The following CADM2 variants were observed in gnomAD, a reference collection of about 807,000 sequenced individuals.
CADM2 encodes immunoglobulin superfamily member 4D.
Under a neutral mutation model 49.8 loss-of-function variants are expected in CADM2, and 12 were observed. The observed-to-expected ratio is 0.24, with a 90% CI of 0.15 to 0.39. CADM2 has a LOEUF of 0.39. CADM2 is among the 10% of genes least tolerant of loss of function. The pLI, the probability that CADM2 is intolerant of heterozygous loss-of-function variation, is 1.00. For missense variants in CADM2, 378 were observed against 492.3 expected, an observed-to-expected ratio of 0.77 and a Z score of 2.20; for synonymous variants, 214 against 175.4, an observed-to-expected ratio of 1.22 and a Z score of -1.74.
At chr3:85,778,042 G>A (rs1316062818) in intron 2 of CADM2, among the ~76,000 whole-genome samples, 1 of 152,104 alleles carries the variant, frequency 6.6e-6, no homozygotes, top group East Asian at 1.9e-4. Context: ...AAAGAGAGGC[G>A]ACCTAGGATA....
chr3:85,604,526 G>A (rs1489449351), intron 1 of CADM2, among the ~76,000 whole-genome samples: 1 of 151,944 alleles, frequency 6.6e-6, no homozygotes, highest in Non-Finnish European at 1.5e-5. Flanking sequence ...TGATATAAAT[G>A]TTGAATCTTA....
intron 1 of CADM2, among the ~76,000 whole-genome samples, chr3:85,175,133 A>G (rs949821930): frequency 2.6e-5 from 4 of 152,218 alleles, no homozygotes; most frequent in African/African-American, 9.6e-5. Context: ...AAATGAACAC[A>G]ATCCAGAAAA....
At chr3:85,288,159 G>C (rs2043682862) in intron 1 of CADM2, among the ~76,000 whole-genome samples, 2 of 152,022 alleles carry the variant, frequency 1.3e-5, no homozygotes, top group Admixed American at 1.3e-4. Context: ...CCTTGAGAAA[G>C]CACATAAACT....
intron 3 of CADM2, among the ~76,000 whole-genome samples, chr3:85,850,623 C>A (rs1352090014): frequency 6.6e-6 from 1 of 152,094 alleles, no homozygotes; most frequent in African/African-American, 2.4e-5. Flanking sequence ...CCACCGCACC[C>A]AGCCTCAATT....
chr3:85,395,862 C>T (rs2107416070), intron 1 of CADM2, among the ~76,000 whole-genome samples: 1 of 150,822 alleles, frequency 6.6e-6, no homozygotes, highest in East Asian at 1.9e-4. Context: ...AAATCACACC[C>T]ATGTTTTAAT....
chr3:84,967,870 A>G (rs2031124454), intron 1 of CADM2, among the ~76,000 whole-genome samples: 2 of 152,008 alleles, frequency 1.3e-5, no homozygotes. Flanking sequence ...TGAAAGCTCC[A>G]TTCCGTAATC....
chr3:85,386,414 T>C (rs1305307937), intron 1 of CADM2, among the ~76,000 whole-genome samples: 3 of 152,116 alleles, frequency 2.0e-5, no homozygotes, highest in African/African-American at 4.8e-5. Context: ...ATAGGGCAAC[T>C]GAGCAAGCTA....
In CADM2 at chr3:85,819,636, T is replaced by C. The variant is rs115633792; in HGVS notation, c.238+17440T>C. ...AGGAAATTAATTATAATTCTGAGTT[T>C]CTGTGGAATCCTAAGTTTACAAATT... is the stretch of plus-strand genomic sequence containing the variant. On this transcript the variant is annotated intron_variant, in intron 3 of 9. Transcript: ENST00000383699. 5.8e-3 allele frequency among the ~76,000 whole-genome samples: 886 copies of C among 152,272 alleles called. 5 individuals carry two copies. Among genetic ancestry groups the C allele is most frequent in the Middle Eastern group, 0.017 (5 of 294 alleles).
intron 1 of CADM2, among the ~76,000 whole-genome samples, chr3:85,137,240 T>A (rs2039439500): frequency 6.6e-6 from 1 of 151,960 alleles, no homozygotes; most frequent in South Asian, 2.1e-4. Flanking sequence ...ACTGAGAAAA[T>A]TTAGTTATTT....
chr3:85,454,925 G>C (rs55747506), intron 1 of CADM2, among the ~76,000 whole-genome samples: 2,262 of 152,282 alleles, frequency 0.015, 65 homozygotes, highest in African/African-American at 0.051. Context: ...TCGCTTCATT[G>C]ATTCAATGCT....
intron 1 of CADM2, among the ~76,000 whole-genome samples, chr3:85,705,757 A>G (rs533133629): frequency 6.6e-6 from 1 of 152,304 alleles, no homozygotes; most frequent in Non-Finnish European, 1.5e-5. Flanking sequence ...TGACACACAA[A>G]ACTTCACATT....
At position 85,548,342 on chromosome 3, in the gene CADM2, A is replaced by G. The variant is rs181432037; in HGVS notation, c.62-178180A>G. Among the ~76,000 whole-genome samples the G allele has an allele frequency of 2.6e-5, 4 of 151,532 alleles. No individual in the cohort carries two copies. In the East Asian group the frequency reaches 6.1e-4, roughly 23 times the overall value. On this transcript the variant is annotated intron_variant, in intron 1 of 9. Transcript: ENST00000383699. ...CTGTCATGTTATGACCTCAGAGATA[A>G]CATGCCATAGTCTAAGATGTTTAGC...
intron 1 of CADM2, among the ~76,000 whole-genome samples, chr3:85,391,020 T>C (rs2034492981): frequency 6.6e-6 from 1 of 151,910 alleles, no homozygotes; most frequent in Non-Finnish European, 1.5e-5. Flanking sequence ...AATAATCTGG[T>C]TTAATTTGTT....
Position 85,184,124 on chromosome 3 carries a change from GATGT to G in CADM2, c.61+224461_61+224464del, listed in dbSNP as rs1351074813. Among the ~76,000 whole-genome samples the G allele has an allele frequency of 5.9e-5, 9 of 152,182 alleles. No individual in the cohort carries two copies. In the Middle Eastern group the frequency reaches 0.017, roughly 288 times the overall value. ...GAAGCCAAGAAATGAGAGTAGTTAA[GATGT>G]ATGTGTGAGAGGCAAACACAGCATG... On this transcript the variant is annotated intron_variant, in intron 1 of 9. Coordinates refer to ENST00000383699, the MANE Select transcript of CADM2 (RefSeq NM_001167675.2).
chr3:85,834,000 G>T (rs3902500), intron 3 of CADM2, among the ~76,000 whole-genome samples: 22 of 151,236 alleles, frequency 1.5e-4, no homozygotes, highest in Non-Finnish European at 2.8e-4. Flanking sequence ...TACATGGGAT[G>T]TATTTTCATT....
chr3:85,552,597 G>T (rs2061839780), intron 1 of CADM2, among the ~76,000 whole-genome samples: 2 of 151,878 alleles, frequency 1.3e-5, no homozygotes, highest in South Asian at 4.2e-4. Flanking sequence ...AGCCAGGATG[G>T]TCTTGATCTC....
intron 1 of CADM2, among the ~76,000 whole-genome samples, chr3:85,131,794 G>T (rs1365012109): frequency 2.0e-5 from 3 of 151,586 alleles, no homozygotes; most frequent in Non-Finnish European, 2.9e-5. Context: ...CTGATGTATT[G>T]TGACTGAAGG....
At chr3:84,993,380 A>G (rs924205048) in intron 1 of CADM2, among the ~76,000 whole-genome samples, 1 of 152,188 alleles carries the variant, frequency 6.6e-6, no homozygotes, top group Admixed American at 6.5e-5. Flanking sequence ...CTCTGTTACC[A>G]TATGGAGTAG....
chr3:85,305,757 A>G (rs1188556998), intron 1 of CADM2, among the ~76,000 whole-genome samples: 1 of 151,614 alleles, frequency 6.6e-6, no homozygotes, highest in Admixed American at 6.6e-5. Context: ...AGAATTCACA[A>G]TTCACTCTGA....
Sources: gnomAD v4.1 joint callset for allele counts (sites outside exome capture counted in the v4.1 genomes callset) on GRCh38, gnomAD v4.1.1 for gene constraint, MANE v1.5 for transcripts, NCBI Gene and HGNC (gene_info 2026-07-23, HGNC 2026-07-21) for gene names.